The following RYR2 variants were observed in gnomAD, a reference collection of about 807,000 sequenced individuals.
The protein encoded by RYR2 is ryanodine receptor 2.
Under a neutral mutation model 601.1 loss-of-function variants are expected in RYR2, and 227 were observed. That is an observed-to-expected ratio of 0.38 (90% confidence interval 0.34 to 0.42). The LOEUF is 0.42. RYR2 is among the 10% of genes least tolerant of loss of function. The probability of loss-of-function intolerance (pLI) is 1.00; values close to 1 mark genes in which losing one functional copy is unlikely to be tolerated. For synonymous variants in RYR2, 2,223 were observed against 2,175.1 expected, an observed-to-expected ratio of 1.02 and a Z score of -0.61; for missense variants, 4,646 against 6,156.5, an observed-to-expected ratio of 0.75 and a Z score of 8.21.
At chr1:237,084,676 C>A (rs986201262) in intron 1 of RYR2, among the ~76,000 whole-genome samples, 1 of 152,244 alleles carries the variant, frequency 6.6e-6, no homozygotes, top group Non-Finnish European at 1.5e-5. Flanking sequence ...TTGGTGCCTT[C>A]ACTGTTCCCA....
intron 1 of RYR2, among the ~76,000 whole-genome samples, chr1:237,135,435 T>G (rs1210561123): frequency 6.6e-6 from 1 of 151,780 alleles, no homozygotes; most frequent in Non-Finnish European, 1.5e-5. Context: ...AGTGGCACGA[T>G]CTCGGCTCAC....
rs1305555109 is a variant in RYR2 at position 237,270,382 on chromosome 1, A to G, written c.49-115A>G. 33 of 1,410,986 alleles carry G rather than the reference A, an allele frequency of 2.3e-5. No individual in the cohort carries two copies. The East Asian group carries it at 4.0e-4, about 17-fold the overall frequency. 87.4% of individuals were successfully genotyped at this position (1,410,986 alleles called of 1,614,324 possible). On this transcript the variant is annotated intron_variant, in intron 1 of 104. Transcript: ENST00000366574. ...GGTTGTTTTTTTGACAGTAGTTTTT[A>G]CATTCGGCACAGATTTTTAAAATGC...
chr1:237,118,626 T>A (rs1322319297), intron 1 of RYR2, among the ~76,000 whole-genome samples: 1 of 151,948 alleles, frequency 6.6e-6, no homozygotes, highest in African/African-American at 2.4e-5. Context: ...TTTTTTGAGA[T>A]GGAGTTTTGC....
At chr1:237,250,842 C>T (rs1034264393) in intron 1 of RYR2, among the ~76,000 whole-genome samples, 9 of 152,178 alleles carry the variant, frequency 5.9e-5, no homozygotes, top group African/African-American at 9.6e-5. Flanking sequence ...ATCTTCTTAC[C>T]GTCCCTCAAG....
intron 97 of RYR2, among the ~76,000 whole-genome samples, chr1:237,800,287 C>T (rs1361031478): frequency 6.6e-6 from 1 of 151,874 alleles, no homozygotes; most frequent in African/African-American, 2.4e-5. Context: ...CATTTTTTCC[C>T]CCAACTCTTC....
intron 79 of RYR2, among the ~76,000 whole-genome samples, chr1:237,739,338 G>A (rs10925502): frequency 0.024 from 3,658 of 152,190 alleles, 114 homozygotes; most frequent in African/African-American, 0.063. Context: ...TCGGTTTGCT[G>A]TTGCCACCCC....
Position 237,610,654 on chromosome 1 carries a change from G to A in RYR2, c.4684-108G>A. ...TGTGTTGACTTTGCTTGACTCATAGGGTTATCTTACTTTCCCTGTCTCTGT... is the reference window on the plus strand; with the variant it reads ...TGTGTTGACTTTGCTTGACTCATAGAGTTATCTTACTTTCCCTGTCTCTGT... On this transcript the variant is annotated intron_variant, in intron 35 of 104. Transcript: ENST00000366574. The surrounding 1 kb of genome is among the most constrained non-coding windows in gnomAD (Gnocchi z 4.9). The A allele has an allele frequency of 1.1e-6, 1 of 896,904 alleles. No individual in the cohort carries two copies. The highest frequency in any genetic ancestry group is 1.7e-6 in the Non-Finnish European group (1 of 591,056). The allele number at this position is 896,904 out of a possible 1,614,324, so 55.6% of individuals were successfully genotyped here. A position where few individuals can be genotyped will look rare whatever the true frequency, so the allele number is the denominator to read the frequency against.
intron 17 of RYR2, among the ~76,000 whole-genome samples, chr1:237,472,987 CCTTG>C (rs963384938): frequency 6.6e-6 from 1 of 151,924 alleles, no homozygotes; most frequent in Non-Finnish European, 1.5e-5. Flanking sequence ...ATTTTTTCCA[CCTTG>C]CTTTTACTTT....
In RYR2 at chr1:237,530,447, G is replaced by A. The variant is rs1260308629; in HGVS notation, c.2843G>A (p.Cys948Tyr). The A allele has an allele frequency of 6.2e-7, 1 of 1,608,560 alleles. No individual in the cohort carries two copies. Among genetic ancestry groups the A allele is most frequent in the Admixed American group, 1.7e-5 (1 of 59,344 alleles). Reference protein sequence around the residue: ...ETLKTLLALGCHVGISDEHAE... With the variant: ...ETLKTLLALGYHVGISDEHAE... Reference sequence around the variant, plus strand: ...TCCAGGACTTTGTTGGCATTAGGATGTCATGTGGGTATATCAGATGAACAT... The same window carrying A: ...TCCAGGACTTTGTTGGCATTAGGATATCATGTGGGTATATCAGATGAACAT... The change falls in exon 25 of 105, where the codon TGT (cysteine) becomes TAT (tyrosine). Residue 948 changes from cysteine to tyrosine, a missense_variant. Coordinates refer to ENST00000366574, the MANE Select transcript of RYR2 (RefSeq NM_001035.3).
chr1:237,386,299 A>G (rs958747783), intron 8 of RYR2, among the ~76,000 whole-genome samples: 1 of 152,218 alleles, frequency 6.6e-6, no homozygotes, highest in Non-Finnish European at 1.5e-5. Flanking sequence ...TGGTGACTTG[A>G]GAATAGTATC....
chr1:237,676,912 C>T (rs1454643498), intron 60 of RYR2, among the ~76,000 whole-genome samples: 1 of 152,044 alleles, frequency 6.6e-6, no homozygotes, highest in Admixed American at 6.6e-5. Flanking sequence ...AAAATTTTCT[C>T]TTGACATAAC....
Position 237,627,989 on chromosome 1 carries a change from A to C in RYR2, c.6349A>C (p.Ile2117Leu). The C allele has an allele frequency of 6.2e-7, 1 of 1,613,944 alleles. No individual in the cohort carries two copies. Reference sequence around the variant, plus strand: ...AAATGGTGTGTCCGTGGAGGACACCATCAACCTGCTGGCATCCCTTGGTCA... The same window carrying C: ...AAATGGTGTGTCCGTGGAGGACACCCTCAACCTGCTGGCATCCCTTGGTCA... Reference protein sequence around the residue: ...TINGVSVEDTINLLASLGQIR... With the variant: ...TINGVSVEDTLNLLASLGQIR... The change falls in exon 41 of 105, where the codon ATC becomes CTC. Residue 2117 changes from isoleucine to leucine, a missense_variant. Ile to Leu is a conservative substitution (Grantham distance 5, BLOSUM62 2). Transcript: ENST00000366574.
intron 24 of RYR2, among the ~76,000 whole-genome samples, chr1:237,525,025 A>G (rs1667434482): frequency 6.6e-6 from 1 of 152,170 alleles, no homozygotes; most frequent in Non-Finnish European, 1.5e-5. Context: ...GCGTTGTTAC[A>G]TAGGTATAAT....
intron 14 of RYR2, among the ~76,000 whole-genome samples, chr1:237,450,051 C>G (rs1657896384): frequency 6.6e-6 from 1 of 152,130 alleles, no homozygotes; most frequent in Non-Finnish European, 1.5e-5. Flanking sequence ...TCTGAATACT[C>G]TATCCAGTGT....
intron 1 of RYR2, among the ~76,000 whole-genome samples, chr1:237,181,632 A>G (rs2148955077): frequency 6.6e-6 from 1 of 152,300 alleles, no homozygotes; most frequent in South Asian, 2.1e-4. Flanking sequence ...CTCAACTAGA[A>G]ATAAAGCAGT....
At chr1:237,445,296 G>A in intron 13 of RYR2, 105 bp from the exon 14 acceptor site, 2 of 1,437,380 alleles carry the variant, frequency 1.4e-6, no homozygotes, top group Non-Finnish European at 1.9e-6. Context: ...CCTGCCTTTT[G>A]ATTCTATCTG....
intron 90 of RYR2, 165 bp downstream of exon 90, chr1:237,785,137 G>T: frequency 1.6e-6 from 1 of 641,604 alleles, no homozygotes; most frequent in Non-Finnish European, 2.8e-6. Context: ...GTTTTTAAGA[G>T]TCCTTATGAA....
chr1:237,760,880 T>C, intron 83 of RYR2, 75 bp from the exon 84 acceptor site: 1 of 883,702 alleles, frequency 1.1e-6, no homozygotes, highest in African/African-American at 1.7e-5. Flanking sequence ...ATATGGTGTT[T>C]AGATGTTTGC....
At chr1:237,674,282 A>G (rs1685205958) in intron 59 of RYR2, 63 bp downstream of exon 59, 1 of 1,253,470 alleles carries the variant, frequency 8.0e-7, no homozygotes, top group Non-Finnish European at 1.1e-6. Flanking sequence ...AAATATCTCC[A>G]TCATATTTAA....
Sources: gnomAD v4.1 joint callset for allele counts (sites outside exome capture counted in the v4.1 genomes callset) on GRCh38, gnomAD v4.1.1 for gene constraint, Gnocchi (gnomAD v3.1) non-coding constraint, MANE v1.5 for transcripts, NCBI Gene and HGNC (gene_info 2026-07-23, HGNC 2026-07-21) for gene names.